Variants in TAB2 observed in about 807,000 individuals in gnomAD.
TAB2 encodes the protein TGF-beta activated kinase 1 (MAP3K7) binding protein 2, also known as TGF-beta-activated kinase 1 and MAP3K7-binding protein 2.
A neutral mutation model predicts 65.0 loss-of-function variants in TAB2; 3 were observed. That is an observed-to-expected ratio of 0.05 (90% CI 0.02 to 0.12). The LOEUF (loss-of-function observed/expected upper bound fraction) is 0.12. Among genes scored for constraint, TAB2 ranks in the 10% least tolerant of loss-of-function variants. The pLI, the probability that TAB2 is intolerant of heterozygous loss-of-function variation, is 1.00. For synonymous variants in TAB2, 298 were observed against 285.1 expected, an observed-to-expected ratio of 1.05 and a Z score of -0.46; for missense variants, 623 against 840.3, an observed-to-expected ratio of 0.74 and a Z score of 3.20.
In TAB2 at chr6:149,378,489, C is replaced by G; in HGVS notation, c.574C>G (p.Pro192Ala). 1 of 1,614,192 alleles carries G rather than the reference C, an allele frequency of 6.2e-7. No homozygotes were observed. The highest frequency in any genetic ancestry group is 8.5e-7 in the Non-Finnish European group (1 of 1,180,050). The change falls in exon 3 of 7, where the codon CCT becomes GCT. Residue 192 changes from proline to alanine, a missense_variant. By Grantham distance (27) the Pro-to-Ala change is conservative (BLOSUM62 -1). Transcript: ENST00000637181. ...APNIQTGRNT[P>A]TSLHIHGVPP... ...AAATATCCAGACTGGTCGTAATACT[C>G]CTACATCTTTGCACATACATGGTGT... is the stretch of plus-strand genomic sequence containing the variant.
chr6:149,385,828 A>G (rs1181171954), intron 3 of TAB2, among the ~76,000 whole-genome samples: 1 of 152,216 alleles, frequency 6.6e-6, no homozygotes, highest in East Asian at 1.9e-4. Flanking sequence ...CTTACATTAA[A>G]TTAATACCTT....
At chr6:149,311,583 AT>A (rs1779168113) in intron 1 of TAB2, among the ~76,000 whole-genome samples, 1 of 152,250 alleles carries the variant, frequency 6.6e-6, no homozygotes, top group Non-Finnish European at 1.5e-5. Flanking sequence ...TATGTAAGTC[AT>A]TTAACCTCTT....
upstream of TAB2, chr6:149,317,635 G>A (rs887994751): frequency 6.3e-6 from 1 of 159,856 alleles, no homozygotes; most frequent in Non-Finnish European, 1.4e-5. The surrounding 1 kb of genome is among the most constrained non-coding windows in gnomAD (Gnocchi z 4.7). Flanking sequence ...CGAGCGCGAG[G>A]GGGGTGGGGG....
At chr6:149,362,042 C>CT (rs770113416) in intron 1 of TAB2, among the ~76,000 whole-genome samples, 2 of 152,324 alleles carry the variant, frequency 1.3e-5, no homozygotes, top group East Asian at 1.9e-4. Context: ...TAACCAGTCT[C>CT]TAAGAATTTT....
At chr6:149,278,470 T>C (rs1778516173) in intron 1 of TAB2, among the ~76,000 whole-genome samples, 1 of 152,122 alleles carries the variant, frequency 6.6e-6, no homozygotes, top group African/African-American at 2.4e-5. Flanking sequence ...TTAATAAAAG[T>C]GGGACAAATT....
chr6:149,252,709 A>C (rs185002857), intron 1 of TAB2, among the ~76,000 whole-genome samples: 1 of 152,320 alleles, frequency 6.6e-6, no homozygotes, highest in Admixed American at 6.5e-5. Context: ...CCCTAGTCTT[A>C]GTACTGCTCA....
At chr6:149,384,447 A>G (rs1455178382) in intron 3 of TAB2, among the ~76,000 whole-genome samples, 2 of 152,202 alleles carry the variant, frequency 1.3e-5, no homozygotes, top group South Asian at 4.1e-4. Context: ...CAGCACCACC[A>G]TCCTTCCTAA....
intron 1 of TAB2, among the ~76,000 whole-genome samples, chr6:149,236,427 G>A (rs1365950233): frequency 3.9e-5 from 6 of 152,052 alleles, no homozygotes; most frequent in South Asian, 2.1e-4. Flanking sequence ...TTTCTGCCTC[G>A]ATTTCTTTCC....
rs545440388 is a variant in TAB2 at position 149,363,310 on chromosome 6, T to A, written c.-89-6599T>A. On this transcript the variant is annotated intron_variant, in intron 1 of 6. Coordinates refer to ENST00000637181, the MANE Select transcript of TAB2 (RefSeq NM_001292034.3). ...TTTATGAGAAATTCGCCCCTATGAT[T>A]CATTCACCACCAGGCCTCACCTCCA... Among the ~76,000 whole-genome samples, 32 of 152,258 alleles carry A rather than the reference T, an allele frequency of 2.1e-4. 2 individuals are homozygous for A. Among genetic ancestry groups the A allele is most frequent in the Middle Eastern group, 6.8e-3 (2 of 294 alleles).
chr6:149,395,102 G>T (rs936783757), intron 3 of TAB2, among the ~76,000 whole-genome samples: 4 of 152,202 alleles, frequency 2.6e-5, no homozygotes, highest in African/African-American at 9.6e-5. Context: ...CTGCTACCGT[G>T]GTAACGTGAG....
chr6:149,229,844 G>A (rs147790690), intron 1 of TAB2: 3 of 152,356 alleles, frequency 2.0e-5, no homozygotes, highest in Non-Finnish European at 2.9e-5. Context: ...CCATTGAGCA[G>A]AGTGCTGTCG....
chr6:149,403,337 TATACACACACACACACACAC>T (rs1782543848), intron 6 of TAB2, among the ~76,000 whole-genome samples: 1 of 51,494 alleles, frequency 1.9e-5, no homozygotes, highest in Admixed American at 1.4e-4. Context: ...TATACATATA[TATACACACACACACACACAC>T]ACACACACAC....
chr6:149,221,422 C>T (rs753062598), intron 1 of TAB2: 2 of 152,238 alleles, frequency 1.3e-5, no homozygotes, highest in Non-Finnish European at 2.9e-5. Context: ...TTTTCATCCG[C>T]CTCCATGGCT....
intron 3 of TAB2, among the ~76,000 whole-genome samples, chr6:149,385,662 A>G (rs777965763): frequency 1.7e-4 from 26 of 152,238 alleles, no homozygotes; most frequent in Non-Finnish European, 3.1e-4. Flanking sequence ...TTTAAAGGGC[A>G]TGAAGAATTC....
intron 1 of TAB2, among the ~76,000 whole-genome samples, chr6:149,348,729 C>T (rs186379405): frequency 1.3e-5 from 2 of 151,768 alleles, no homozygotes; most frequent in Non-Finnish European, 1.5e-5. Flanking sequence ...TTTGGAAGGA[C>T]GAGGCAGGTA....
chr6:149,377,984 T>G (rs1357725193), intron 2 of TAB2, 34 bp from the exon 3 acceptor site: 1 of 1,569,572 alleles, frequency 6.4e-7, no homozygotes, highest in South Asian at 1.1e-5. Flanking sequence ...CGCTTCTGAT[T>G]GTTAACATCA....
intron 1 of TAB2, among the ~76,000 whole-genome samples, chr6:149,274,904 G>C (rs899519866): frequency 6.6e-6 from 1 of 152,154 alleles, no homozygotes; most frequent in African/African-American, 2.4e-5. Flanking sequence ...GCCAGAGAGA[G>C]AACCAGCTCC....
At chr6:149,268,337 C>T (rs1445529344) in intron 1 of TAB2, among the ~76,000 whole-genome samples, 3 of 152,186 alleles carry the variant, frequency 2.0e-5, no homozygotes, top group South Asian at 4.1e-4. Context: ...AAGTTAGTCA[C>T]GTGGTCCACA....
At chr6:149,397,341 T>A (rs1782206073) in intron 3 of TAB2, among the ~76,000 whole-genome samples, 1 of 151,854 alleles carries the variant, frequency 6.6e-6, no homozygotes, top group Non-Finnish European at 1.5e-5. Context: ...CTTGGGAGGC[T>A]GAGGCAGGAG....
Sources: allele counts gnomAD v4.1 joint callset (sites outside exome capture counted in the v4.1 genomes callset), GRCh38; gene constraint gnomAD v4.1.1; non-coding constraint Gnocchi (gnomAD v3.1); transcripts MANE v1.5; gene names NCBI Gene and HGNC (gene_info 2026-07-23, HGNC 2026-07-21).